The following AUH variants were observed in gnomAD, a reference collection of about 807,000 sequenced individuals.
AUH encodes methylglutaconyl-CoA hydratase, mitochondrial.
A neutral mutation model predicts 42.3 loss-of-function variants in AUH; 29 were observed. That is an observed-to-expected ratio of 0.69 (90% confidence interval 0.51 to 0.93). The LOEUF is 0.93. Ranked by LOEUF, AUH falls within the 40% of genes least tolerant of loss-of-function variation. The pLI, the probability that AUH is intolerant of heterozygous loss-of-function variation, is 0.00. For missense variants in AUH, 452 were observed against 438.1 expected (o/e 1.03, Z -0.28); for synonymous variants, 174 against 166.4 (o/e 1.05, Z -0.35).
chr9:91,251,753 A>G (rs573790116), intron 6 of AUH, among the ~76,000 whole-genome samples: 5 of 152,218 alleles, frequency 3.3e-5, no homozygotes, highest in African/African-American at 1.2e-4. Context: ...TCTTATACTG[A>G]TCAAGCAAAG....
chr9:91,339,066 T>A (rs988450165), intron 3 of AUH, among the ~76,000 whole-genome samples: 10 of 151,402 alleles, frequency 6.6e-5, no homozygotes, highest in African/African-American at 2.4e-4. Flanking sequence ...TAAGTAACTC[T>A]TCACACAATA....
intron 3 of AUH, among the ~76,000 whole-genome samples, chr9:91,350,478 G>A (rs1017565830): frequency 2.6e-5 from 4 of 152,180 alleles, no homozygotes; most frequent in Non-Finnish European, 5.9e-5. Context: ...GTTGTAATGG[G>A]TCGGGCACAG....
In AUH at chr9:91,296,020, C is replaced by G; in HGVS notation, c.655+1G>C. The G allele has an allele frequency of 6.2e-7, 1 of 1,614,006 alleles. No homozygotes were observed. Among genetic ancestry groups the G allele is most frequent in the Non-Finnish European group, 8.5e-7 (1 of 1,179,972 alleles). ...GAGGAATGGGCGTGAACTACTCATA[C>G]CTCCACCAGGAATAATCGCCAATTT... On this transcript the variant is annotated splice_donor_variant, in intron 6 of 9. Coordinates refer to ENST00000375731, the MANE Select transcript of AUH (RefSeq NM_001698.3). LOFTEE classifies it high-confidence loss of function.
chr9:91,290,324 G>A (rs1826760878), intron 6 of AUH, among the ~76,000 whole-genome samples: 1 of 151,996 alleles, frequency 6.6e-6, no homozygotes, highest in Admixed American at 6.6e-5. Context: ...GGCCGAGGTG[G>A]GAAGATCTCG....
chr9:91,349,202 T>G (rs1831761246), intron 3 of AUH, among the ~76,000 whole-genome samples: 1 of 152,210 alleles, frequency 6.6e-6, no homozygotes, highest in South Asian at 2.1e-4. Context: ...GTTGACAATT[T>G]TAGTGACAAG....
At chr9:91,326,682 G>A (rs1302950297) in intron 3 of AUH, among the ~76,000 whole-genome samples, 1 of 152,116 alleles carries the variant, frequency 6.6e-6, no homozygotes, top group African/African-American at 2.4e-5. Flanking sequence ...GGTTATGGGG[G>A]CTGGAGTATG....
chr9:91,348,185 G>C (rs545286832), intron 3 of AUH, among the ~76,000 whole-genome samples: 1 of 152,072 alleles, frequency 6.6e-6, no homozygotes, highest in African/African-American at 2.4e-5. Context: ...TGACACATAT[G>C]AAATGTAAAC....
At chr9:91,245,210 T>C (rs1462877911) in intron 6 of AUH, among the ~76,000 whole-genome samples, 4 of 152,076 alleles carry the variant, frequency 2.6e-5, no homozygotes, top group African/African-American at 9.7e-5. Flanking sequence ...AGGTGGGAAC[T>C]GGAACCACGG....
chr9:91,312,806 T>C lies in AUH; in HGVS notation c.505+12512A>G, dbSNP rs915129104. Reference sequence around the variant, plus strand: ...GTGTGAGCAGGCCCCAGTACACCACTGCCAAGGCATTTAATTACTGGAGGG... The same window carrying C: ...GTGTGAGCAGGCCCCAGTACACCACCGCCAAGGCATTTAATTACTGGAGGG... On this transcript the variant is annotated intron_variant, in intron 4 of 9. Transcript: ENST00000375731. Among the ~76,000 whole-genome samples the C allele has an allele frequency of 1.3e-4, 20 of 152,290 alleles. 1 individual carries two copies. The highest frequency in any genetic ancestry group is 4.8e-4 in the African/African-American group (20 of 41,566).
chr9:91,223,922 A>G (rs1827281137), intron 6 of AUH, among the ~76,000 whole-genome samples: 1 of 152,188 alleles, frequency 6.6e-6, no homozygotes, highest in Non-Finnish European at 1.5e-5. Context: ...AAAAGTATCA[A>G]AGAACCAAAA....
intron 4 of AUH, among the ~76,000 whole-genome samples, chr9:91,304,820 C>A (rs1828083593): frequency 6.6e-6 from 1 of 152,158 alleles, no homozygotes; most frequent in South Asian, 2.1e-4. Flanking sequence ...CTTGAGCTTT[C>A]ATAAGCAAGT....
chr9:91,327,628 G>A lies in AUH; in HGVS notation c.419-2224C>T, dbSNP rs77351097. 2.4e-3 allele frequency among the ~76,000 whole-genome samples: 369 copies of A among 152,264 alleles called. 10 individuals carry two copies. The East Asian group carries it at 0.04, about 17-fold the overall frequency. On this transcript the variant is annotated intron_variant, in intron 3 of 9. Transcript: ENST00000375731. ...CGCACCTCATTCCTCTTGGTCGCGGGACAAGGACCTGGAACTCGCTGAGCT... is the reference window on the plus strand; with the variant it reads ...CGCACCTCATTCCTCTTGGTCGCGGAACAAGGACCTGGAACTCGCTGAGCT...
chr9:91,223,825 A>C (rs1019836477), intron 6 of AUH, among the ~76,000 whole-genome samples: 12 of 152,154 alleles, frequency 7.9e-5, no homozygotes. Flanking sequence ...TGGATAAACA[A>C]AGAAATTGAC....
At chr9:91,244,388 G>A (rs1828683979) in intron 6 of AUH, among the ~76,000 whole-genome samples, 2 of 152,306 alleles carry the variant, frequency 1.3e-5, no homozygotes, top group South Asian at 4.1e-4. Context: ...AGACTTCCTA[G>A]TTACTGAATT....
At chr9:91,223,508 T>C (rs1827252868) in intron 6 of AUH, among the ~76,000 whole-genome samples, 1 of 152,200 alleles carries the variant, frequency 6.6e-6, no homozygotes, top group Admixed American at 6.5e-5. Flanking sequence ...TTTTGGCTAT[T>C]GTGAATAATG....
chr9:91,357,474 G>C, intron 1 of AUH: 1 of 965,738 alleles, frequency 1.0e-6, no homozygotes, highest in Non-Finnish European at 1.2e-6. Flanking sequence ...CAAACATACT[G>C]AGTACGTACT....
chr9:91,334,430 C>T (rs926843847), intron 3 of AUH, among the ~76,000 whole-genome samples: 5 of 152,188 alleles, frequency 3.3e-5, no homozygotes, highest in Non-Finnish European at 5.9e-5. Context: ...CTCTATTTTC[C>T]GCCCCACTGC....
rs759828827 is a variant in AUH at position 91,361,773 on chromosome 9, C to G, written c.117G>C (p.Ser39=). ...WLCPGLRLPG[S]LAGRRAGPAI... is the part of the protein sequence containing the mutation. ...CCGGGCCCGCTCGCCGGCCTGCCAACGAGCCGGGCAGCCTCAACCCCGGGC... is the reference window on the plus strand; with the variant it reads ...CCGGGCCCGCTCGCCGGCCTGCCAAGGAGCCGGGCAGCCTCAACCCCGGGC... Residue 39 remains serine (S), a synonymous_variant, in exon 1 of 10, where the codon TCG becomes TCC. Coordinates refer to ENST00000375731, the MANE Select transcript of AUH (RefSeq NM_001698.3). 1.7e-5 allele frequency: 26 copies of G among 1,544,234 alleles called. No individual in the cohort carries two copies. Among genetic ancestry groups the G allele is most frequent in the African/African-American group, 6.9e-5 (5 of 72,170 alleles).
At chr9:91,237,397 A>T (rs1188071573) in intron 6 of AUH, among the ~76,000 whole-genome samples, 1 of 152,134 alleles carries the variant, frequency 6.6e-6, no homozygotes, top group Non-Finnish European at 1.5e-5. Flanking sequence ...GTCTGAAGCC[A>T]CAGACAAAGT....
Sources: gnomAD v4.1 joint callset for allele counts (sites outside exome capture counted in the v4.1 genomes callset) on GRCh38, gnomAD v4.1.1 for gene constraint, MANE v1.5 for transcripts, NCBI Gene and HGNC (gene_info 2026-07-23, HGNC 2026-07-21) for gene names.